FAM167A: variants seen among roughly 807,000 people sequenced by gnomAD.
The protein encoded by FAM167A is family with sequence similarity 167 member A.
FAM167A carries 23 observed loss-of-function variants against 14.9 expected under a neutral mutation model. The ratio of observed to expected loss-of-function variants is 1.55; its 90% confidence interval spans 1.11 to 2.19. The LOEUF (loss-of-function observed/expected upper bound fraction) is 2.19, where lower values mean the gene tolerates loss of function less well. Ranked by LOEUF, FAM167A falls within the 30% of genes most tolerant of loss-of-function variation. The pLI, the probability that FAM167A is intolerant of heterozygous loss-of-function variation, is 0.00. For missense variants in FAM167A, 401 were observed against 281.5 expected (o/e 1.42, Z -3.04); for synonymous variants, 174 against 117.7 (o/e 1.48, Z -3.10).
intron 2 of FAM167A, among the ~76,000 whole-genome samples, chr8:11,430,777 C>G (rs939592837): frequency 1.8e-4 from 28 of 152,168 alleles, no homozygotes; most frequent in African/African-American, 6.5e-4. Context: ...CTGGAGGAGA[C>G]GGCCAAGGCG....
intron 2 of FAM167A, among the ~76,000 whole-genome samples, chr8:11,432,966 A>G (rs976215902): frequency 3.3e-5 from 5 of 152,224 alleles, no homozygotes; most frequent in Admixed American, 2.0e-4. Context: ...ACACAGAAAC[A>G]GAAAACCAAA....
rs78048792 is a variant in FAM167A, at chr8:11,473,417, G to C, written c.-398+2449C>G. ...ACTGCCTGTCATTCACCAGTGCTGG[G>C]GGGGATTTTTGGGGAAACGGGACTT... On this transcript the variant is annotated intron_variant, in intron 1 of 1. Coordinates refer to the FAM167A transcript ENST00000648766. Among the ~76,000 whole-genome samples, 1,495 of 152,252 alleles carry C rather than the reference G, an allele frequency of 9.8e-3. 22 individuals carry two copies. The highest frequency in any genetic ancestry group is 0.031 in the African/African-American group (1,284 of 41,532).
chr8:11,468,563 G>C (rs533307555), upstream of FAM167A, among the ~76,000 whole-genome samples: 4 of 152,296 alleles, frequency 2.6e-5, no homozygotes, highest in African/African-American at 9.6e-5. Context: ...TCTGGACTTG[G>C]GGATAAAGCA....
chr8:11,464,175 T>G (rs1807658584), intron 1 of FAM167A, among the ~76,000 whole-genome samples: 2 of 152,120 alleles, frequency 1.3e-5, no homozygotes, highest in Admixed American at 6.5e-5. Context: ...CCCCTTGAAC[T>G]GCTCTGCTCA....
Position 11,422,245 on chromosome 8 carries a change from C to G in FAM167A, c.*2128G>C, listed in dbSNP as rs972597978. On this transcript the variant is annotated 3_prime_UTR_variant, in exon 3 of 3. Transcript: ENST00000284486. ...TCGCTGAACCCAATGGTTTCGGTTA[C>G]TGTAATGACTGATTTCCAAAAAGAA... 6.2e-5 allele frequency: 10 copies of G among 160,668 alleles called. No homozygotes were observed. Among genetic ancestry groups the G allele is most frequent in the African/African-American group, 2.2e-4 (9 of 41,770 alleles). 10.0% of individuals were successfully genotyped at this position (160,668 alleles called of 1,614,324 possible).
intron 1 of FAM167A, among the ~76,000 whole-genome samples, chr8:11,455,571 T>TG (rs1807215127): frequency 7.2e-6 from 1 of 138,210 alleles, no homozygotes; most frequent in African/African-American, 2.7e-5. Flanking sequence ...GTTGCCTTGC[T>TG]TTGAGTTTGA....
At chr8:11,464,784 A>T (rs73209251) in intron 1 of FAM167A, among the ~76,000 whole-genome samples, 73 of 152,338 alleles carry the variant, frequency 4.8e-4, no homozygotes, top group Non-Finnish European at 7.2e-4. Context: ...ATTTGCCTAG[A>T]GAACACAGCA....
chr8:11,453,099 G>A (rs1807091578), intron 1 of FAM167A, among the ~76,000 whole-genome samples: 2 of 152,204 alleles, frequency 1.3e-5, no homozygotes, highest in South Asian at 4.1e-4. Context: ...CCTCCTCCAG[G>A]CTTCCTCTCC....
Position 11,424,087 on chromosome 8 carries a change from T to G in FAM167A, c.*286A>C. The G allele has an allele frequency of 2.8e-6, 1 of 360,506 alleles. No individual in the cohort carries two copies. Among genetic ancestry groups the G allele is most frequent in the Non-Finnish European group, 5.1e-6 (1 of 195,928 alleles). 22.3% of individuals were successfully genotyped at this position (360,506 alleles called of 1,614,324 possible). ...AAACAGGAACGTGACCGTGGAGGGA[T>G]GGATTATGGTGGGAACCCAGGTCTC... On this transcript the variant is annotated 3_prime_UTR_variant, in exon 3 of 3. Transcript: ENST00000284486.
intron 2 of FAM167A, chr8:11,438,273 A>G: frequency 2.5e-6 from 1 of 402,930 alleles, no homozygotes; most frequent in Non-Finnish European, 5.0e-6. Flanking sequence ...ACAGCCAGGA[A>G]AGGGAGAGCA....
intron 2 of FAM167A, among the ~76,000 whole-genome samples, chr8:11,437,217 C>CTGAT (rs1299599654): frequency 6.6e-6 from 1 of 152,188 alleles, no homozygotes; most frequent in East Asian, 1.9e-4. Context: ...TCCTGCTCTG[C>CTGAT]TGATTGATCT....
At chr8:11,445,612 C>A in intron 1 of FAM167A, 5 of 985,472 alleles carry the variant, frequency 5.1e-6, no homozygotes, top group Non-Finnish European at 6.0e-6. Context: ...GATGTGGCCT[C>A]CCCATCTCCA....
chr8:11,427,267 G>C (rs1464459602), intron 2 of FAM167A, among the ~76,000 whole-genome samples: 1 of 152,166 alleles, frequency 6.6e-6, no homozygotes, highest in Admixed American at 6.5e-5. Flanking sequence ...TATTTTACCA[G>C]CCAGCATGCT....
rs147154428 is a variant in FAM167A, at chr8:11,444,139, G to T, written c.273C>A (p.His91Gln). Residue 91 changes from histidine (H) to glutamine (Q), a missense_variant, in exon 2 of 3, where the codon CAC (histidine) becomes CAA (glutamine). His to Gln is a conservative substitution (Grantham distance 24). Transcript: ENST00000284486. ...PLLPLREAGQ[H>Q]PPSARSASQG... ...GGCTGGCACTCCTGGCAGAAGGGGGGTGCTGCCCAGCCTCTCTCAGGGGGA... is the reference window on the plus strand; with the variant it reads ...GGCTGGCACTCCTGGCAGAAGGGGGTTGCTGCCCAGCCTCTCTCAGGGGGA... 88 of 1,613,094 alleles carry T rather than the reference G, an allele frequency of 5.5e-5. No individual in the cohort carries two copies. In the African/African-American group the frequency reaches 1.1e-3, roughly 20 times the overall value.
chr8:11,454,256 GCT>G (rs1807143047), intron 1 of FAM167A, among the ~76,000 whole-genome samples: 1 of 152,198 alleles, frequency 6.6e-6, no homozygotes. Flanking sequence ...TGTGCAAAGC[GCT>G]CTGTTTCCTC....
chr8:11,424,562 T>A lies in FAM167A; in HGVS notation c.456A>T (p.Lys152Asn), dbSNP rs1200614821. 6.2e-7 allele frequency: 1 copy of A among 1,614,010 alleles called. No individual in the cohort carries two copies. Among genetic ancestry groups the A allele is most frequent in the Admixed American group, 1.7e-5 (1 of 60,024 alleles). Residue 152 changes from lysine (K) to asparagine (N), a missense_variant, in exon 3 of 3, where the codon AAA (lysine) becomes AAT (asparagine). Lys to Asn is a moderately conservative substitution (Grantham distance 94). Transcript: ENST00000284486. ...MRLRGDINKL[K>N]IEHTCRLHRR... is the part of the protein sequence containing the mutation. ...TGTGGAGGCGGCAGGTGTGTTCGAT[T>A]TTCAGCTTGTTGATGTCGCCACGCA...
chr8:11,467,767 G>T (rs902044187), upstream of FAM167A, among the ~76,000 whole-genome samples: 1 of 152,240 alleles, frequency 6.6e-6, no homozygotes, highest in Non-Finnish European at 1.5e-5. Context: ...TCTGGTGCCC[G>T]CGTCCTTCAC....
chr8:11,427,235 CCAG>C (rs1446924709), intron 2 of FAM167A, among the ~76,000 whole-genome samples: 3 of 152,170 alleles, frequency 2.0e-5, no homozygotes, highest in Non-Finnish European at 4.4e-5. Context: ...TCCTGAGGTA[CCAG>C]CAGGACAGTC....
intron 1 of FAM167A, among the ~76,000 whole-genome samples, chr8:11,454,909 C>T (rs1807168546): frequency 6.6e-6 from 1 of 152,156 alleles, no homozygotes; most frequent in Admixed American, 6.6e-5. Context: ...GGGAGCCAGG[C>T]TGCCCTAGTG....
Sources: gnomAD v4.1 joint callset for allele counts (sites outside exome capture counted in the v4.1 genomes callset) on GRCh38, gnomAD v4.1.1 for gene constraint, MANE v1.5 for transcripts, NCBI Gene and HGNC (gene_info 2026-07-23, HGNC 2026-07-21) for gene names.